Variants in GCSAML observed in about 807,000 individuals in gnomAD.
GCSAML encodes germinal center associated signaling and motility like.
A neutral mutation model predicts 13.0 loss-of-function variants in GCSAML; 9 were observed. That is an observed-to-expected ratio of 0.69 (90% confidence interval 0.42 to 1.21). The LOEUF (loss-of-function observed/expected upper bound fraction) is 1.21. Among genes scored for constraint, GCSAML ranks in the 50% most tolerant of loss-of-function variants. GCSAML has a pLI of 0.00. For missense variants in GCSAML, 143 were observed against 153.4 expected (o/e 0.93, Z 0.36); for synonymous variants, 37 against 52.9 (o/e 0.70, Z 1.31).
intron 2 of GCSAML, among the ~76,000 whole-genome samples, chr1:247,542,759 C>T (rs917535832): frequency 1.3e-5 from 2 of 152,198 alleles, no homozygotes; most frequent in African/African-American, 4.8e-5. Context: ...ATTTAGCAAA[C>T]AAGGGCTTCT....
At chr1:247,508,276 C>CT (rs1395621942) in intron 1 of GCSAML, among the ~76,000 whole-genome samples, 1 of 152,142 alleles carries the variant, frequency 6.6e-6, no homozygotes, top group Non-Finnish European at 1.5e-5. Flanking sequence ...TGATGATGAG[C>CT]TTTTTTTCAT....
At chr1:247,568,795 C>G (rs983132346) in intron 4 of GCSAML, among the ~76,000 whole-genome samples, 3 of 152,242 alleles carry the variant, frequency 2.0e-5, no homozygotes, top group African/African-American at 4.8e-5. Context: ...AATATTGATT[C>G]TTCCTATCCA....
intron 1 of GCSAML, among the ~76,000 whole-genome samples, chr1:247,513,990 T>TC (rs1323016436): frequency 6.8e-6 from 1 of 147,494 alleles, no homozygotes; most frequent in Admixed American, 6.8e-5. Context: ...CCCCACCGCC[T>TC]TTTTTTTTTA....
chr1:247,563,010 T>G (rs1390775293), intron 2 of GCSAML, among the ~76,000 whole-genome samples: 1 of 150,540 alleles, frequency 6.6e-6, no homozygotes, highest in African/African-American at 2.4e-5. Context: ...CAGCTCATTT[T>G]TTTTTTTTTT....
chr1:247,569,787 G>A (rs1260121839), intron 4 of GCSAML, among the ~76,000 whole-genome samples: 2 of 152,180 alleles, frequency 1.3e-5, no homozygotes, highest in African/African-American at 4.8e-5. Context: ...AATGGTACCA[G>A]CTCCTCTTTG....
chr1:247,574,648 T>C lies in GCSAML; in HGVS notation c.*266T>C. The C allele has an allele frequency of 2.4e-6, 1 of 415,626 alleles. No homozygotes were observed. Among genetic ancestry groups the C allele is most frequent in the East Asian group, 4.0e-5 (1 of 24,782 alleles). The allele number at this position is 415,626 out of a possible 1,614,324, so 25.7% of individuals were successfully genotyped here. ...AGGACATGGAGGTGATAAAAAAAAC[T>C]TTCTTAGGACAATAATGTAAAATGA... On this transcript the variant is annotated 3_prime_UTR_variant, in exon 5 of 5. Transcript: ENST00000366488.
rs2103089571 is a variant in GCSAML at position 247,577,009 on chromosome 1, T to C, written c.*2627T>C. 1 of 152,318 alleles carries C rather than the reference T, an allele frequency of 6.6e-6. No homozygotes were observed. The highest frequency in any genetic ancestry group is 1.9e-4 in the East Asian group (1 of 5,180). 9.4% of individuals were successfully genotyped at this position (152,318 alleles called of 1,614,324 possible). ...TTGAAATCCAAGAGCATCAATGTCTTCTGGTGGTTCACCATAAGCCACAGC... is the reference window on the plus strand; with the variant it reads ...TTGAAATCCAAGAGCATCAATGTCTCCTGGTGGTTCACCATAAGCCACAGC... On this transcript the variant is annotated 3_prime_UTR_variant, in exon 5 of 5. Coordinates refer to ENST00000366488, the MANE Select transcript of GCSAML (RefSeq NM_145278.5).
chr1:247,561,886 G>T (rs975919387), intron 2 of GCSAML, among the ~76,000 whole-genome samples: 1 of 152,020 alleles, frequency 6.6e-6, no homozygotes, highest in Non-Finnish European at 1.5e-5. Context: ...CTCACCCGGC[G>T]CCGCAAAGCC....
chr1:247,567,825 C>T (rs1668446801), intron 4 of GCSAML, among the ~76,000 whole-genome samples: 1 of 152,178 alleles, frequency 6.6e-6, no homozygotes, highest in South Asian at 2.1e-4. Context: ...TTCTCCACAT[C>T]CTCTCCAGCA....
chr1:247,555,772 A>G (rs1258457466), intron 1 of GCSAML, among the ~76,000 whole-genome samples: 36 of 152,268 alleles, frequency 2.4e-4, no homozygotes, highest in Non-Finnish European at 1.5e-5. Flanking sequence ...AGTCACAAAC[A>G]TAAGCTGCTA....
At chr1:247,532,311 G>C (rs758421798) in intron 2 of GCSAML, 12 of 1,614,076 alleles carry the variant, frequency 7.4e-6, no homozygotes, top group Non-Finnish European at 8.5e-6. Flanking sequence ...CCAGGAAGGG[G>C]AGGTTGGCAA....
rs903310754 is a variant in GCSAML, at chr1:247,577,262, C to T, written c.*2880C>T. The T allele has an allele frequency of 2.6e-5, 4 of 151,940 alleles. No homozygotes were observed. The highest frequency in any genetic ancestry group is 9.7e-5 in the African/African-American group (4 of 41,368). The allele number at this position is 151,940 out of a possible 1,614,324, so 9.4% of individuals were successfully genotyped here. ...TGTGATTATATACAAGAAAATGTAA[C>T]CACTGTAAGGGTAGAGTTATAAGAA... On this transcript the variant is annotated 3_prime_UTR_variant, in exon 5 of 5. Coordinates refer to ENST00000366488, the MANE Select transcript of GCSAML (RefSeq NM_145278.5).
chr1:247,530,569 C>CA (rs1666890671), intron 2 of GCSAML: 1 of 145,628 alleles, frequency 6.9e-6, no homozygotes, highest in African/African-American at 2.5e-5. Flanking sequence ...AAGTTATTTA[C>CA]AAAATGTGTC....
Position 247,527,557 on chromosome 1 carries a change from C to G in GCSAML, c.-148+503C>G, listed in dbSNP as rs993370580. 6.6e-6 allele frequency: 1 copy of G among 152,422 alleles called. No individual in the cohort carries two copies. 9.4% of individuals were successfully genotyped at this position (152,422 alleles called of 1,614,324 possible). Reference sequence around the variant, plus strand: ...GAGGTTAGGGAAAGTTTTTAGTATTCAGATTGAAGTTTTTCTTCAGATCTT... The same window carrying G: ...GAGGTTAGGGAAAGTTTTTAGTATTGAGATTGAAGTTTTTCTTCAGATCTT... On this transcript the variant is annotated intron_variant, in intron 2 of 5. Coordinates refer to the GCSAML transcript ENST00000366489. The surrounding 1 kb of genome is among the most constrained non-coding windows in gnomAD (Gnocchi z 4.6).
At chr1:247,539,879 T>C (rs1251962127) in intron 2 of GCSAML, among the ~76,000 whole-genome samples, 1 of 152,214 alleles carries the variant, frequency 6.6e-6, no homozygotes, top group Non-Finnish European at 1.5e-5. Flanking sequence ...CCCATGTTGT[T>C]TCATAATCCA....
chr1:247,517,293 G>A (rs887528925), intron 1 of GCSAML, among the ~76,000 whole-genome samples: 6 of 152,210 alleles, frequency 3.9e-5, no homozygotes, highest in Non-Finnish European at 8.8e-5. Context: ...TACAGGTATT[G>A]TGAGTAACTT....
At chr1:247,515,482 G>A (rs1379100909) in intron 1 of GCSAML, among the ~76,000 whole-genome samples, 1 of 152,216 alleles carries the variant, frequency 6.6e-6, no homozygotes, top group Non-Finnish European at 1.5e-5. Context: ...AGGTCCAACA[G>A]CTTCCTGTGT....
chr1:247,567,792 C>T (rs1414535400), intron 4 of GCSAML, among the ~76,000 whole-genome samples: 1 of 152,196 alleles, frequency 6.6e-6, no homozygotes, highest in African/African-American at 2.4e-5. Context: ...ATACTCCCAC[C>T]AACAGTGTAA....
chr1:247,572,212 T>C (rs1317452425), intron 4 of GCSAML, among the ~76,000 whole-genome samples: 1 of 152,180 alleles, frequency 6.6e-6, no homozygotes, highest in African/African-American at 2.4e-5. Context: ...CAATTTGACA[T>C]ACTCATTTTC....
Sources: allele counts gnomAD v4.1 joint callset (sites outside exome capture counted in the v4.1 genomes callset), GRCh38; gene constraint gnomAD v4.1.1; non-coding constraint Gnocchi (gnomAD v3.1); transcripts MANE v1.5; gene names NCBI Gene and HGNC (gene_info 2026-07-23, HGNC 2026-07-21).